The following NT5C1A variants were observed in gnomAD, a reference collection of about 807,000 sequenced individuals.
NT5C1A encodes cytosolic 5'-nucleotidase 1A.
Under a neutral mutation model 31.0 loss-of-function variants are expected in NT5C1A, and 18 were observed. That is an observed-to-expected ratio of 0.58 (90% confidence interval 0.40 to 0.86). The LOEUF (loss-of-function observed/expected upper bound fraction) is 0.86, where lower values mean the gene tolerates loss of function less well. NT5C1A is among the 40% of genes least tolerant of loss of function. The pLI is 0.00. For missense variants in NT5C1A, 470 were observed against 505.4 expected (o/e 0.93, Z 0.67); for synonymous variants, 185 against 203.6 (o/e 0.91, Z 0.78).
At chr1:39,668,530 C>G (rs1293297940) in intron 1 of NT5C1A, among the ~76,000 whole-genome samples, 1 of 152,176 alleles carries the variant, frequency 6.6e-6, no homozygotes, top group East Asian at 1.9e-4. Context: ...GATGGGGAAA[C>G]AGGCCCAGAA....
At position 39,658,842 on chromosome 1, in the gene NT5C1A, C is replaced by T. The variant is rs1269841564; in HGVS notation, c.*279G>A. Among the ~76,000 whole-genome samples the T allele has an allele frequency of 1.3e-5, 2 of 152,140 alleles. No homozygotes were observed. The highest frequency in any genetic ancestry group is 4.8e-5 in the African/African-American group (2 of 41,420). On this transcript the variant is annotated 3_prime_UTR_variant, in exon 6 of 6. Coordinates refer to ENST00000235628, the MANE Select transcript of NT5C1A (RefSeq NM_032526.3). Reference sequence around the variant, plus strand: ...TTGAGAAATCCTGGCTTCTCTGACCCTCCCCCTCTCAGACCCATTAACTTC... The same window carrying T: ...TTGAGAAATCCTGGCTTCTCTGACCTTCCCCCTCTCAGACCCATTAACTTC...
chr1:39,672,020 G>C lies in NT5C1A; in HGVS notation c.19C>G (p.Arg7Gly), dbSNP rs1002733564. 2 of 1,602,826 alleles carry C rather than the reference G, an allele frequency of 1.2e-6. No individual in the cohort carries two copies. The highest frequency in any genetic ancestry group is 2.7e-5 in the African/African-American group (2 of 74,674). The change falls in exon 1 of 6, where the codon CGG becomes GGG. Residue 7 changes from arginine (R) to glycine (G), a missense_variant. By Grantham distance (125) the Arg-to-Gly change is moderately radical. Transcript: ENST00000235628. MEPGQP[R>G]EPQEPREPGP... ...GGCTCGCGGGGCTCCTGGGGCTCCC[G>C]GGGCTGCCCAGGTTCCATGCTCCGG...
In NT5C1A at chr1:39,656,842, A is replaced by T. The variant is rs868515328; in HGVS notation, c.*2279T>A. On this transcript the variant is annotated 3_prime_UTR_variant, in exon 6 of 6. Transcript: ENST00000235628. Reference sequence around the variant, plus strand: ...GGGGTGATTCTGACCCCTGGGAGTGAGAAGGAGAGGGCCTTTCTGCAGTTC... The same window carrying T: ...GGGGTGATTCTGACCCCTGGGAGTGTGAAGGAGAGGGCCTTTCTGCAGTTC... Among the ~76,000 whole-genome samples, 3 of 152,204 alleles carry T rather than the reference A, an allele frequency of 2.0e-5. No homozygotes were observed. In the South Asian group the frequency reaches 6.2e-4, roughly 31 times the overall value.
In NT5C1A at chr1:39,671,993, C is replaced by G. The variant is rs1323970629; in HGVS notation, c.46G>C (p.Gly16Arg). 1.4e-5 allele frequency: 23 copies of G among 1,609,190 alleles called. No homozygotes were observed. Among genetic ancestry groups the G allele is most frequent in the Non-Finnish European group, 5.1e-6 (6 of 1,179,544 alleles). Residue 16 changes from glycine (G) to arginine (R), a missense_variant, in exon 1 of 6, where the codon GGG becomes CGG. Gly to Arg is a moderately radical substitution (Grantham distance 125). Transcript: ENST00000235628. ...PREPQEPREP[G>R]PGAETAAAPV... The stretch of plus-strand genomic sequence containing the variant: ...GCCGCAGCGGTCTCCGCTCCTGGCC[C>G]GGGCTCGCGGGGCTCCTGGGGCTCC...
In NT5C1A at chr1:39,652,506, C is replaced by T. The variant is rs1490622082; in HGVS notation, c.*6615G>A. Among the ~76,000 whole-genome samples the T allele has an allele frequency of 6.6e-6, 1 of 152,076 alleles. No homozygotes were observed. The highest frequency in any genetic ancestry group is 1.5e-5 in the Non-Finnish European group (1 of 68,016). ...CCCCTGTAGGCATTGGGGTTTGTGA[C>T]CCTGGCCCAGGCATCCAGTCTAGGG... is the stretch of plus-strand genomic sequence containing the variant. On this transcript the variant is annotated 3_prime_UTR_variant, in exon 6 of 6. Coordinates refer to ENST00000235628, the MANE Select transcript of NT5C1A (RefSeq NM_032526.3).
At position 39,656,820 on chromosome 1, in the gene NT5C1A, G is replaced by C. The variant is rs138324561; in HGVS notation, c.*2301C>G. Among the ~76,000 whole-genome samples the C allele has an allele frequency of 1.9e-3, 284 of 152,376 alleles. No homozygotes were observed. Among genetic ancestry groups the C allele is most frequent in the African/African-American group, 6.3e-3 (264 of 41,592 alleles). ...GAGCCTTGGAGGCTCTTCCACGGGG[G>C]TGATTCTGACCCCTGGGAGTGAGAA... is the stretch of plus-strand genomic sequence containing the variant. On this transcript the variant is annotated 3_prime_UTR_variant, in exon 6 of 6. Transcript: ENST00000235628.
At chr1:39,667,585 C>A (rs542699410) in intron 1 of NT5C1A, among the ~76,000 whole-genome samples, 40 of 152,278 alleles carry the variant, frequency 2.6e-4, no homozygotes, top group African/African-American at 9.4e-4. Flanking sequence ...TGTACTCAAC[C>A]CCATTTCTTC....
intron 1 of NT5C1A, among the ~76,000 whole-genome samples, chr1:39,671,679 G>C (rs368728793): frequency 6.6e-6 from 1 of 152,134 alleles, no homozygotes; most frequent in Admixed American, 6.5e-5. Context: ...TGACAGCATG[G>C]GGGAGGGGGA....
chr1:39,659,680 G>A (rs1412264870), intron 5 of NT5C1A, among the ~76,000 whole-genome samples, 194 bp from the exon 6 acceptor site: 1 of 152,200 alleles, frequency 6.6e-6, no homozygotes, highest in African/African-American at 2.4e-5. Flanking sequence ...CTGTGTTATT[G>A]TATATTGGTG....
chr1:39,666,133 A>G lies in NT5C1A; in HGVS notation c.239T>C (p.Val80Ala). Residue 80 changes from valine (V) to alanine (A), a missense_variant, in exon 2 of 6, where the codon GTG (valine) becomes GCG (alanine). Transcript: ENST00000235628. Reference sequence around the variant, plus strand: ...GTTCTCATGTTCCAGCTGGTAGCGCACGTACTCCTCCACGCCCTGCTCCGT... The same window carrying G: ...GTTCTCATGTTCCAGCTGGTAGCGCGCGTACTCCTCCACGCCCTGCTCCGT... ...IYTEQGVEEY[V>A]RYQLEHENEP... is the part of the protein sequence containing the mutation. The G allele has an allele frequency of 1.2e-6, 2 of 1,613,652 alleles. No homozygotes were observed. Among genetic ancestry groups the G allele is most frequent in the South Asian group, 2.2e-5 (2 of 91,084 alleles).
Position 39,655,920 on chromosome 1 carries a change from CATT to C in NT5C1A, c.*3198_*3200del, listed in dbSNP as rs1646456893. On this transcript the variant is annotated 3_prime_UTR_variant, in exon 6 of 6. Transcript: ENST00000235628. ...GTACTGGTGCACACCAATTGAGTGT[CATT>C]ATAATGCCAAATCCATCTTGGCTTT... 6.6e-6 allele frequency among the ~76,000 whole-genome samples: 1 copy of C among 152,128 alleles called. No individual in the cohort carries two copies. Among genetic ancestry groups the C allele is most frequent in the Non-Finnish European group, 1.5e-5 (1 of 68,034 alleles).
chr1:39,664,014 C>T (rs909645403), intron 3 of NT5C1A, among the ~76,000 whole-genome samples: 2 of 152,152 alleles, frequency 1.3e-5, no homozygotes, highest in Non-Finnish European at 2.9e-5. Context: ...GTGTATGTCA[C>T]ACAGGTGGTT....
intron 3 of NT5C1A, 59 bp from the exon 4 acceptor site, chr1:39,663,493 T>A: frequency 6.3e-7 from 1 of 1,585,904 alleles, no homozygotes; most frequent in Admixed American, 1.7e-5. Context: ...TTCAGGGCAG[T>A]CTCTCTGTGC....
Position 39,659,131 on chromosome 1 carries a change from G to T in NT5C1A, c.1097C>A (p.Ser366Tyr). ...AAGCCGGTGGTTCAGCTACTGTGCA[G>T]ATGGGGCCTGCTTTGCAGGTGCAGT... is the stretch of plus-strand genomic sequence containing the variant. ...RRTAPAKQAP[S>Y]AQ The change falls in exon 6 of 6, where the codon TCT (serine) becomes TAT (tyrosine). Residue 366 changes from serine (S) to tyrosine (Y), a missense_variant. Ser to Tyr is a moderately radical substitution (Grantham distance 144). Transcript: ENST00000235628. 1 of 1,602,778 alleles carries T rather than the reference G, an allele frequency of 6.2e-7. No homozygotes were observed. Among genetic ancestry groups the T allele is most frequent in the Non-Finnish European group, 8.5e-7 (1 of 1,173,014 alleles).
intron 3 of NT5C1A, among the ~76,000 whole-genome samples, chr1:39,664,489 T>TCCC (rs755549493): frequency 1.8e-3 from 2 of 1,096 alleles, no homozygotes; most frequent in East Asian, 0.031. Flanking sequence ...AGTGGATTTC[T>TCCC]CCTCCTCTCC....
In NT5C1A at chr1:39,657,737, A is replaced by T. The variant is rs1052967945; in HGVS notation, c.*1384T>A. ...CGCTGATGCATTTCATGGGGAGGTTATCTCATCCTGGAAGCCCTTGCTCAG... is the reference window on the plus strand; with the variant it reads ...CGCTGATGCATTTCATGGGGAGGTTTTCTCATCCTGGAAGCCCTTGCTCAG... On this transcript the variant is annotated 3_prime_UTR_variant, in exon 6 of 6. Transcript: ENST00000235628. 1.3e-5 allele frequency among the ~76,000 whole-genome samples: 2 copies of T among 152,206 alleles called. No homozygotes were observed. The highest frequency in any genetic ancestry group is 3.8e-4 in the East Asian group (2 of 5,200).
At chr1:39,660,467 C>A (rs886079584) in intron 5 of NT5C1A, among the ~76,000 whole-genome samples, 1 of 152,130 alleles carries the variant, frequency 6.6e-6, no homozygotes, top group African/African-American at 2.4e-5. Context: ...GGTCCCTGTG[C>A]CCCCAGCCAA....
intron 3 of NT5C1A, among the ~76,000 whole-genome samples, chr1:39,665,220 A>G (rs1646514959): frequency 6.6e-6 from 1 of 152,198 alleles, no homozygotes; most frequent in South Asian, 2.1e-4. Context: ...GGTGTGCTGG[A>G]GCTGGCTTGG....
rs201071235 is a variant in NT5C1A, at chr1:39,665,638, C to T, written c.316G>A (p.Val106Met). 5.0e-5 allele frequency: 81 copies of T among 1,612,988 alleles called. No homozygotes were observed. Among genetic ancestry groups the T allele is most frequent in the Non-Finnish European group, 6.0e-5 (71 of 1,179,852 alleles). Reference protein sequence around the residue: ...AFPFVKALEAVNRRLRELYPD... With the variant: ...AFPFVKALEAMNRRLRELYPD... Reference sequence around the variant, plus strand: ...TACAGCTCCCGCAGCCGCCTGTTCACGGCCTCCAGAGCCTGGAAAGGAGAG... The same window carrying T: ...TACAGCTCCCGCAGCCGCCTGTTCATGGCCTCCAGAGCCTGGAAAGGAGAG... Residue 106 changes from valine to methionine, a missense_variant, in exon 3 of 6, where the codon GTG (valine) becomes ATG (methionine). Coordinates refer to ENST00000235628, the MANE Select transcript of NT5C1A (RefSeq NM_032526.3).
Sources: allele counts gnomAD v4.1 joint callset (sites outside exome capture counted in the v4.1 genomes callset), GRCh38; gene constraint gnomAD v4.1.1; transcripts MANE v1.5; gene names NCBI Gene and HGNC (gene_info 2026-07-23, HGNC 2026-07-21).